Variants in SNX19 observed in about 807,000 individuals in gnomAD.
SNX19 encodes sorting nexin 19, also known as sorting nexin-19.
In SNX19, 60 loss-of-function variants were observed where a neutral mutation model predicts 85.2. That is an observed-to-expected ratio of 0.70 (90% CI 0.57 to 0.87). The LOEUF is 0.87. SNX19 is among the 40% of genes least tolerant of loss of function. SNX19 has a pLI of 0.00. For missense variants in SNX19, 1,201 were observed against 1,217.8 expected, an observed-to-expected ratio of 0.99 and a Z score of 0.21; for synonymous variants, 520 against 470.0, an observed-to-expected ratio of 1.11 and a Z score of -1.38.
chr11:130,914,272 A>C lies in SNX19; in HGVS notation c.1668T>G (p.Thr556=). 1 of 1,557,546 alleles carries C rather than the reference A, an allele frequency of 6.4e-7. No individual in the cohort carries two copies. Among genetic ancestry groups the C allele is most frequent in the East Asian group, 2.3e-5 (1 of 44,342 alleles). ...GTGFHPYTLY[T]VKYETALDGE... ...ACAGCTTTAATCCTGTTACCTTCAC[A>C]GTATAGAGTGTGTATGGGTGGAATC... is the stretch of plus-strand genomic sequence containing the variant. The change falls in exon 1 of 11, where the codon ACT becomes ACG. Residue 556 remains threonine (T), a synonymous_variant. Coordinates refer to ENST00000265909, the MANE Select transcript of SNX19 (RefSeq NM_014758.3).
Position 130,914,932 on chromosome 11 carries a change from T to A in SNX19, c.1008A>T (p.Val336=). The A allele has an allele frequency of 8.1e-6, 13 of 1,614,244 alleles. No homozygotes were observed. The highest frequency in any genetic ancestry group is 1.1e-5 in the Non-Finnish European group (13 of 1,180,040). Residue 336 remains valine (V), a synonymous_variant, in exon 1 of 11, where the codon GTA becomes GTT. Transcript: ENST00000265909. ...CACACATCCCACCCAAATCTCCCTC[T>A]ACAGCTTCGTGGCCTTCTTCAACCT... ...SPEVEEGHEA[V]EGDLGGMCEE...
At chr11:130,911,542 C>T (rs1946126285) in intron 2 of SNX19, 91 bp downstream of exon 2, 1 of 1,575,572 alleles carries the variant, frequency 6.3e-7, no homozygotes, top group African/African-American at 1.4e-5. Context: ...ACGGCATTCT[C>T]CTCCCCGATC....
At chr11:130,890,882 A>T (rs1243572825) in intron 8 of SNX19, among the ~76,000 whole-genome samples, 1 of 147,990 alleles carries the variant, frequency 6.8e-6, no homozygotes, top group South Asian at 2.1e-4. Context: ...TATGGTAGGG[A>T]TTTGGGTCTT....
At chr11:130,897,162 C>G (rs1026152528) in intron 8 of SNX19, among the ~76,000 whole-genome samples, 2 of 152,126 alleles carry the variant, frequency 1.3e-5, no homozygotes, top group Non-Finnish European at 2.9e-5. Flanking sequence ...GGTGTAAGGT[C>G]TAGAGCTTGC....
chr11:130,893,710 A>G (rs1045927300), intron 8 of SNX19: 1 of 676,302 alleles, frequency 1.5e-6, no homozygotes. Context: ...AAAACTGGAA[A>G]AACAACAAAA....
chr11:130,870,434 T>G lies in SNX19; in HGVS notation c.*7988A>C, dbSNP rs1436750263. 6.6e-6 allele frequency among the ~76,000 whole-genome samples: 1 copy of G among 152,198 alleles called. No homozygotes were observed. Among genetic ancestry groups the G allele is most frequent in the Non-Finnish European group, 1.5e-5 (1 of 68,042 alleles). On this transcript the variant is annotated 3_prime_UTR_variant, in exon 11 of 11. Coordinates refer to ENST00000265909, the MANE Select transcript of SNX19 (RefSeq NM_014758.3). Reference sequence around the variant, plus strand: ...ACAGGGGGTAGCCTCTGATGAAACATTTGAGTAATGGATTTCTTTACCTCA... The same window carrying G: ...ACAGGGGGTAGCCTCTGATGAAACAGTTGAGTAATGGATTTCTTTACCTCA...
At position 130,915,810 on chromosome 11, in the gene SNX19, G is replaced by C; in HGVS notation, c.130C>G (p.Leu44Val). The change falls in exon 1 of 11, where the codon CTT becomes GTT. Residue 44 changes from leucine (L) to valine (V), a missense_variant. This residue lies in a region of SNX19 where 791 missense variants were observed against 750.9 expected (regional missense o/e 1.05). Transcript: ENST00000265909. ...CACAGCAGCCACACGTTGACCAGAAGGTGTATGACCAGGAGCCAGCCAAGC... is the reference window on the plus strand; with the variant it reads ...CACAGCAGCCACACGTTGACCAGAACGTGTATGACCAGGAGCCAGCCAAGC... ...VLLGWLLVIH[L>V]LVNVWLLCLL... 6.2e-7 allele frequency: 1 copy of C among 1,614,134 alleles called. No individual in the cohort carries two copies.
At chr11:130,879,173 T>A (rs1325878778) in intron 10 of SNX19, among the ~76,000 whole-genome samples, 2 of 152,216 alleles carry the variant, frequency 1.3e-5, no homozygotes, top group Non-Finnish European at 2.9e-5. Context: ...GGTCTTGACA[T>A]GAATCACAGC....
chr11:130,907,613 C>T (rs568766484), intron 5 of SNX19, among the ~76,000 whole-genome samples: 2 of 152,232 alleles, frequency 1.3e-5, no homozygotes, highest in South Asian at 2.1e-4. Flanking sequence ...CAGTTATAAG[C>T]CTTAATTCTT....
At chr11:130,914,184 T>G in intron 1 of SNX19, 82 bp downstream of exon 1, 1 of 1,186,440 alleles carries the variant, frequency 8.4e-7, no homozygotes, top group Middle Eastern at 2.0e-4. Flanking sequence ...ACAGCATCTC[T>G]CCCCCAAGAA....
intron 5 of SNX19, among the ~76,000 whole-genome samples, 176 bp downstream of exon 5, chr11:130,907,777 C>T (rs1057247213): frequency 2.6e-5 from 4 of 152,166 alleles, no homozygotes; most frequent in Non-Finnish European, 5.9e-5. Context: ...TCTGCAGCAC[C>T]GCAGGCTCCT....
chr11:130,910,295 T>C lies in SNX19; in HGVS notation c.1889A>G (p.Lys630Arg). Residue 630 changes from lysine (K) to arginine (R), a missense_variant, in exon 3 of 11, where the codon AAG (lysine) becomes AGG (arginine). Lys to Arg is a conservative substitution (Grantham distance 26). Transcript: ENST00000265909. ...CTTTAGGAATGATTCTAGGAGGCTC[T>C]TACGGGCTTCTACTCTGTCACTGTC... is the stretch of plus-strand genomic sequence containing the variant. ...NMDSDRVEAR[K>R]SLLESFLKQL... 6.2e-7 allele frequency: 1 copy of C among 1,613,732 alleles called. No homozygotes were observed. The highest frequency in any genetic ancestry group is 8.5e-7 in the Non-Finnish European group (1 of 1,179,884).
rs764972779 is a variant in SNX19 at position 130,915,035 on chromosome 11, T to C, written c.905A>G (p.Glu302Gly). The C allele has an allele frequency of 7.4e-6, 12 of 1,613,982 alleles. No individual in the cohort carries two copies. The African/African-American group carries it at 1.3e-4, about 18-fold the overall frequency. ...GGCTGCTACTGGAGAAGCTCTCCCTTCTGGAAGCTGCTCTACCTCAGCAAT... is the reference window on the plus strand; with the variant it reads ...GGCTGCTACTGGAGAAGCTCTCCCTCCTGGAAGCTGCTCTACCTCAGCAAT... ...PLIAEVEQLP[E>G]GRASPVAAPV... Residue 302 changes from glutamate to glycine, a missense_variant, in exon 1 of 11, where the codon GAA becomes GGA. Physicochemically the swap from Glu to Gly is moderately conservative, Grantham distance 98 (BLOSUM62 -2). Coordinates refer to ENST00000265909, the MANE Select transcript of SNX19 (RefSeq NM_014758.3).
Position 130,876,135 on chromosome 11 carries a change from G to A in SNX19, c.*2287C>T, listed in dbSNP as rs185604348. On this transcript the variant is annotated 3_prime_UTR_variant, in exon 11 of 11. Coordinates refer to ENST00000265909, the MANE Select transcript of SNX19 (RefSeq NM_014758.3). ...ACTTAAATGAATAAAATTTAGTCACGAGTAAATACAAAAAACAAGCAAACA... is the reference window on the plus strand; with the variant it reads ...ACTTAAATGAATAAAATTTAGTCACAAGTAAATACAAAAAACAAGCAAACA... The A allele has an allele frequency of 2.0e-5, 3 of 152,262 alleles. No homozygotes were observed. Among genetic ancestry groups the A allele is most frequent in the South Asian group, 2.1e-4 (1 of 4,826 alleles). 9.4% of individuals were successfully genotyped at this position (152,262 alleles called of 1,614,324 possible).
At chr11:130,899,836 C>T (rs1945140460) in intron 8 of SNX19, among the ~76,000 whole-genome samples, 1 of 152,222 alleles carries the variant, frequency 6.6e-6, no homozygotes, top group South Asian at 2.1e-4. Context: ...CATTCAAATT[C>T]ACCAAATATA....
rs751599115 is a variant in SNX19 at position 130,910,306 on chromosome 11, T to C, written c.1878A>G (p.Val626=). ...LPLGNMDSDR[V]EARKSLLESF... is the part of the protein sequence containing the mutation. The stretch of plus-strand genomic sequence containing the variant: ...ATTCTAGGAGGCTCTTACGGGCTTC[T>C]ACTCTGTCACTGTCCATGTTTCCCA... Residue 626 remains valine, a synonymous_variant, in exon 3 of 11, where the codon GTA becomes GTG. Transcript: ENST00000265909. 8 of 1,613,464 alleles carry C rather than the reference T, an allele frequency of 5.0e-6. No individual in the cohort carries two copies. The highest frequency in any genetic ancestry group is 6.8e-6 in the Non-Finnish European group (8 of 1,179,884).
rs1023261819 is a variant in SNX19 at position 130,871,247 on chromosome 11, A to G, written c.*7175T>C. Among the ~76,000 whole-genome samples, 2 of 152,178 alleles carry G rather than the reference A, an allele frequency of 1.3e-5. No homozygotes were observed. The highest frequency in any genetic ancestry group is 4.8e-5 in the African/African-American group (2 of 41,434). ...CAAGAAAATGCTCTACTGCCAACTAAGCCCATGTGATTCTCCTAGAGATGC... is the reference window on the plus strand; with the variant it reads ...CAAGAAAATGCTCTACTGCCAACTAGGCCCATGTGATTCTCCTAGAGATGC... On this transcript the variant is annotated 3_prime_UTR_variant, in exon 11 of 11. Transcript: ENST00000265909.
intron 7 of SNX19, 106 bp downstream of exon 7, chr11:130,905,847 A>G: frequency 1.3e-6 from 2 of 1,582,338 alleles, no homozygotes; most frequent in Non-Finnish European, 8.6e-7. Flanking sequence ...TGGCATGCTC[A>G]GCTGAATGGA....
chr11:130,900,555 A>G (rs1003980931), intron 8 of SNX19, among the ~76,000 whole-genome samples: 1 of 152,194 alleles, frequency 6.6e-6, no homozygotes, highest in Non-Finnish European at 1.5e-5. Flanking sequence ...TATCTGGACT[A>G]GCCCAAACCC....
Sources: gnomAD v4.1 joint callset for allele counts (sites outside exome capture counted in the v4.1 genomes callset) on GRCh38, gnomAD v4.1.1 for gene constraint, gnomAD v4.1.1 regional missense constraint, MANE v1.5 for transcripts, NCBI Gene and HGNC (gene_info 2026-07-23, HGNC 2026-07-21) for gene names.